PTPRN2: variants seen among roughly 807,000 people sequenced by gnomAD.
The protein encoded by PTPRN2 is protein tyrosine phosphatase receptor type N2.
Under a neutral mutation model 118.8 loss-of-function variants are expected in PTPRN2, and 74 were observed. That is an observed-to-expected ratio of 0.62 (90% CI 0.52 to 0.76). PTPRN2 has a LOEUF of 0.76. Ranked by LOEUF, PTPRN2 falls within the 30% of genes least tolerant of loss-of-function variation. The pLI is 0.00. For missense variants in PTPRN2, 1,481 were observed against 1,394.4 expected (o/e 1.06, Z -0.99); for synonymous variants, 641 against 608.0 (o/e 1.05, Z -0.80).
At chr7:157,972,803 G>A (rs1330686265) in intron 11 of PTPRN2, among the ~76,000 whole-genome samples, 1 of 137,662 alleles carries the variant, frequency 7.3e-6, no homozygotes, top group Non-Finnish European at 1.6e-5. Flanking sequence ...ATGAGAACAG[G>A]GCTTCAGAGA....
At chr7:158,151,169 C>T (rs1361905447) in intron 6 of PTPRN2, among the ~76,000 whole-genome samples, 13 of 42,698 alleles carry the variant, frequency 3.0e-4, no homozygotes, top group African/African-American at 1.7e-3. Context: ...CCACACCGCC[C>T]GCCTTTCTGC....
chr7:157,720,031 G>A (rs751244750), intron 12 of PTPRN2, among the ~76,000 whole-genome samples: 11 of 152,166 alleles, frequency 7.2e-5, no homozygotes, highest in South Asian at 6.2e-4. Context: ...CGATGGAAAC[G>A]ACTCCAATCG....
chr7:157,975,444 CT>C (rs1466818030), intron 11 of PTPRN2, among the ~76,000 whole-genome samples: 2 of 152,170 alleles, frequency 1.3e-5, no homozygotes, highest in Non-Finnish European at 2.9e-5. Flanking sequence ...TCCTCTTGCT[CT>C]CCTGGGTCAG....
At chr7:158,275,830 G>A (rs1234350954) in intron 3 of PTPRN2, among the ~76,000 whole-genome samples, 1 of 152,162 alleles carries the variant, frequency 6.6e-6, no homozygotes, top group East Asian at 1.9e-4. Context: ...CAGTTCATAA[G>A]GTGGCCTCCT....
intron 2 of PTPRN2, among the ~76,000 whole-genome samples, chr7:158,359,825 C>G (rs1187486522): frequency 2.0e-5 from 3 of 152,106 alleles, no homozygotes; most frequent in African/African-American, 7.2e-5. Context: ...GAAGGCATTC[C>G]TGATGGAATG....
At chr7:158,165,188 G>GGA (rs1426022796) in intron 6 of PTPRN2, among the ~76,000 whole-genome samples, 38 of 23,796 alleles carry the variant, frequency 1.6e-3, no homozygotes, top group Non-Finnish European at 4.2e-3. Flanking sequence ...CCACGAAAGT[G>GGA]CAGGAGGCAG....
At chr7:157,959,772 G>A (rs1435372702) in intron 11 of PTPRN2, among the ~76,000 whole-genome samples, 2 of 152,188 alleles carry the variant, frequency 1.3e-5, no homozygotes, top group Non-Finnish European at 2.9e-5. Context: ...GAAATAGCTT[G>A]AGAATTCCTC....
intron 12 of PTPRN2, among the ~76,000 whole-genome samples, chr7:157,891,253 C>T (rs941467426): frequency 2.7e-4 from 41 of 152,222 alleles, no homozygotes; most frequent in Admixed American, 8.5e-4. Context: ...CCCAAGCAAC[C>T]GGGTAGGAGC....
chr7:158,570,319 C>T lies in PTPRN2; in HGVS notation c.112+17239G>A, dbSNP rs1309776831. ...CCTCAGAGGCCTCCACCCCACACTC[C>T]ACCGCGCTCTGCCAACCGGGACAAG... is the stretch of plus-strand genomic sequence containing the variant. On this transcript the variant is annotated intron_variant, in intron 1 of 22. Coordinates refer to ENST00000389418, the MANE Select transcript of PTPRN2 (RefSeq NM_002847.5). The surrounding 1 kb of genome is among the most constrained non-coding windows in gnomAD (Gnocchi z 4.5). 6.6e-6 allele frequency among the ~76,000 whole-genome samples: 1 copy of T among 152,228 alleles called. No homozygotes were observed. The highest frequency in any genetic ancestry group is 1.5e-5 in the Non-Finnish European group (1 of 68,034).
At chr7:158,055,999 C>T (rs1337817766) in intron 11 of PTPRN2, among the ~76,000 whole-genome samples, 1 of 152,230 alleles carries the variant, frequency 6.6e-6, no homozygotes, top group Admixed American at 6.5e-5. Context: ...TTCCAGACCC[C>T]ACTGCCTGTG....
chr7:157,684,550 G>T (rs1196138566), intron 12 of PTPRN2, among the ~76,000 whole-genome samples: 3 of 151,792 alleles, frequency 2.0e-5, no homozygotes, highest in African/African-American at 7.3e-5. Flanking sequence ...CGCCCTTCGC[G>T]TGGAGATCCG....
intron 11 of PTPRN2, among the ~76,000 whole-genome samples, chr7:157,975,131 G>A (rs925034485): frequency 6.6e-6 from 1 of 152,062 alleles, no homozygotes; most frequent in African/African-American, 2.4e-5. Context: ...CCTCGATCTT[G>A]GCTTCCCCTA....
rs374907404 is a variant in PTPRN2, at chr7:158,313,685, G to A, written c.277+3134C>T. Among the ~76,000 whole-genome samples, 7 of 152,350 alleles carry A rather than the reference G, an allele frequency of 4.6e-5. 1 individual carries two copies. In the South Asian group the frequency reaches 1.4e-3, roughly 32 times the overall value. On this transcript the variant is annotated intron_variant, in intron 3 of 22. Coordinates refer to ENST00000389418, the MANE Select transcript of PTPRN2 (RefSeq NM_002847.5). ...CTCTTATCCTCAAGAACAGGTGCCA[G>A]GAATGTGGACATAGCCTGACACTCG...
At chr7:158,079,261 A>T (rs1351302249) in intron 11 of PTPRN2, among the ~76,000 whole-genome samples, 1 of 152,260 alleles carries the variant, frequency 6.6e-6, no homozygotes, top group African/African-American at 2.4e-5. Context: ...AGCAAGAAAC[A>T]TTCTGACTCA....
chr7:157,654,450 G>A (rs1174532229), intron 14 of PTPRN2, among the ~76,000 whole-genome samples: 1 of 152,206 alleles, frequency 6.6e-6, no homozygotes, highest in African/African-American at 2.4e-5. Flanking sequence ...CAGTTTCCCT[G>A]AGTTTACAAT....
intron 5 of PTPRN2, among the ~76,000 whole-genome samples, chr7:158,185,283 G>A (rs1825045275): frequency 6.6e-6 from 1 of 151,876 alleles, no homozygotes; most frequent in Non-Finnish European, 1.5e-5. Context: ...ATCTAGTTTG[G>A]GAAATATTCT....
At chr7:158,450,533 C>A (rs1818027891) in intron 2 of PTPRN2, among the ~76,000 whole-genome samples, 1 of 152,210 alleles carries the variant, frequency 6.6e-6, no homozygotes, top group African/African-American at 2.4e-5. Context: ...GGAACCCCCA[C>A]CCCTGCTGCA....
chr7:157,572,613 C>A (rs993864639), intron 19 of PTPRN2, among the ~76,000 whole-genome samples: 2 of 152,216 alleles, frequency 1.3e-5, no homozygotes, highest in African/African-American at 2.4e-5. Context: ...GCTTTCTCCT[C>A]CTCTCTTCCT....
chr7:157,855,201 CG>C (rs1309018727), intron 12 of PTPRN2, among the ~76,000 whole-genome samples: 2 of 132,914 alleles, frequency 1.5e-5, no homozygotes, highest in East Asian at 4.5e-4. Context: ...TGTGTGGGGC[CG>C]GATCGGGGAG....
Sources: allele counts gnomAD v4.1 joint callset (sites outside exome capture counted in the v4.1 genomes callset), GRCh38; gene constraint gnomAD v4.1.1; non-coding constraint Gnocchi (gnomAD v3.1); transcripts MANE v1.5; gene names NCBI Gene and HGNC (gene_info 2026-07-23, HGNC 2026-07-21).